Variants in ZMYND19 observed in about 807,000 individuals in gnomAD.
ZMYND19 encodes the protein zinc finger MYND domain-containing protein 19.
Under a neutral mutation model 32.0 loss-of-function variants are expected in ZMYND19, and 17 were observed. That is an observed-to-expected ratio of 0.53 (90% CI 0.36 to 0.80). ZMYND19 has a LOEUF of 0.80. ZMYND19 is among the 30% of genes least tolerant of loss of function. The pLI is 0.00. For synonymous variants in ZMYND19, 124 were observed against 113.6 expected, an observed-to-expected ratio of 1.09 and a Z score of -0.58; for missense variants, 250 against 293.6, an observed-to-expected ratio of 0.85 and a Z score of 1.09.
In ZMYND19 at chr9:137,590,180, G is replaced by T; in HGVS notation, c.51+33C>A. 1.9e-6 allele frequency: 2 copies of T among 1,048,508 alleles called. No individual in the cohort carries two copies. The highest frequency in any genetic ancestry group is 2.9e-5 in the South Asian group (1 of 34,908). 65.0% of individuals were successfully genotyped at this position (1,048,508 alleles called of 1,614,324 possible). A position where few individuals can be genotyped will look rare whatever the true frequency, so the allele number is the denominator to read the frequency against. On this transcript the variant is annotated intron_variant, in intron 1 of 5. Transcript: ENST00000298585. This position sits in a 1 kb window ranked among gnomAD's most constrained non-coding sequence, Gnocchi z 4.2. ...CCCGCGCGGAGGCCTGGACGGGCGA[G>T]ACGGGCCGGGTCGCGGGCTCCGCGC...
Position 137,582,626 on chromosome 9 carries a change from G to A in ZMYND19, c.601C>T (p.Gln201Ter). ...TTGTGGGCAGGCCAGTCCTTCTGCT[G>A]GCACTGGGAGCCGCAGTACCGGGCC... ...QVARYCGSQC[Q>*]QKDWPAHKKH... Residue 201 changes from glutamine (Q) to a stop codon, truncating the protein, a stop_gained, in exon 6 of 6, where the codon CAG (glutamine) becomes TAG (stop). Transcript: ENST00000298585. LOFTEE classifies it high-confidence loss of function. 2 of 1,613,536 alleles carry A rather than the reference G, an allele frequency of 1.2e-6. No individual in the cohort carries two copies. Among genetic ancestry groups the A allele is most frequent in the Non-Finnish European group, 1.7e-6 (2 of 1,180,028 alleles).
rs1842258826 is a variant in ZMYND19, at chr9:137,590,309, C to G, written c.-46G>C. On this transcript the variant is annotated 5_prime_UTR_variant, in exon 1 of 6. Coordinates refer to ENST00000298585, the MANE Select transcript of ZMYND19 (RefSeq NM_138462.3). The surrounding 1 kb of genome is among the most constrained non-coding windows in gnomAD (Gnocchi z 4.2). ...CCGGCAGCGCCGCTCCCTCGGGAGGCGCCGAGCGGGGGCCGGGGCGAGGCC... is the reference window on the plus strand; with the variant it reads ...CCGGCAGCGCCGCTCCCTCGGGAGGGGCCGAGCGGGGGCCGGGGCGAGGCC... The G allele has an allele frequency of 9.7e-7, 1 of 1,028,198 alleles. No homozygotes were observed. Among genetic ancestry groups the G allele is most frequent in the African/African-American group, 1.7e-5 (1 of 57,614 alleles). The allele number at this position is 1,028,198 out of a possible 1,614,324, so 63.7% of individuals were successfully genotyped here.
At position 137,589,881 on chromosome 9, in the gene ZMYND19, C is replaced by G. The variant is rs981063988; in HGVS notation, c.51+332G>C. 3 of 985,296 alleles carry G rather than the reference C, an allele frequency of 3.0e-6. No homozygotes were observed. In the African/African-American group the frequency reaches 5.2e-5, roughly 17 times the overall value. The allele number at this position is 985,296 out of a possible 1,614,324, so 61.0% of individuals were successfully genotyped here. A position where few individuals can be genotyped will look rare whatever the true frequency, so the allele number is the denominator to read the frequency against. ...GCTAGGCCCCGGATCGCCGACACCA[C>G]TGGGAGGGCTCCGGGAGAACGCGGC... On this transcript the variant is annotated intron_variant, in intron 1 of 5. Transcript: ENST00000298585.
At chr9:137,582,722 C>A in intron 5 of ZMYND19, 36 bp from the exon 6 acceptor site, 1 of 1,604,054 alleles carries the variant, frequency 6.2e-7, no homozygotes, top group South Asian at 1.1e-5. Flanking sequence ...CACCATCATG[C>A]CTGGGACGCA....
chr9:137,587,621 G>T, intron 3 of ZMYND19, 96 bp downstream of exon 3: 1 of 1,037,118 alleles, frequency 9.6e-7, no homozygotes, highest in Non-Finnish European at 1.5e-6. Flanking sequence ...GGCAAGGCAG[G>T]GCTTCAGCGG....
intron 2 of ZMYND19, 87 bp downstream of exon 2, chr9:137,588,572 G>T: frequency 6.9e-7 from 1 of 1,455,690 alleles, no homozygotes; most frequent in Non-Finnish European, 9.6e-7. Context: ...GCCTGCTCTT[G>T]CAGCACAGGG....
rs888959795 is a variant in ZMYND19 at position 137,582,274 on chromosome 9, C to A, written c.*269G>T. Reference sequence around the variant, plus strand: ...TCTACCCTTCCCATTGCCTCCCCCCCAAAAAAAACTGTACATGAGTTTACA... The same window carrying A: ...TCTACCCTTCCCATTGCCTCCCCCCAAAAAAAAACTGTACATGAGTTTACA... On this transcript the variant is annotated 3_prime_UTR_variant, in exon 6 of 6. Coordinates refer to ENST00000298585, the MANE Select transcript of ZMYND19 (RefSeq NM_138462.3). 7 of 347,498 alleles carry A rather than the reference C, an allele frequency of 2.0e-5. No individual in the cohort carries two copies. The highest frequency in any genetic ancestry group is 7.6e-4 in the Middle Eastern group (1 of 1,312). 21.5% of individuals were successfully genotyped at this position (347,498 alleles called of 1,614,324 possible).
intron 1 of ZMYND19, chr9:137,589,353 G>C: frequency 1.0e-6 from 1 of 985,386 alleles, no homozygotes; most frequent in Non-Finnish European, 1.2e-6. Context: ...TCCCAGAACG[G>C]GCCAGTCTCC....
rs749711107 is a variant in ZMYND19 at position 137,582,732 on chromosome 9, A to C, written c.541-46T>G. On this transcript the variant is annotated intron_variant, in intron 5 of 5. Coordinates refer to ENST00000298585, the MANE Select transcript of ZMYND19 (RefSeq NM_138462.3). ...GGCTTCACCATCATGCCTGGGACGC[A>C]GTGTGGGGCAAAGGCTGCGTCTTAC... The C allele has an allele frequency of 8.8e-6, 14 of 1,598,936 alleles. No homozygotes were observed. The Admixed American group carries it at 1.5e-4, about 17-fold the overall frequency.
At position 137,587,074 on chromosome 9, in the gene ZMYND19, G is replaced by A; in HGVS notation, c.252C>T (p.Phe84=). Residue 84 remains phenylalanine (F), a synonymous_variant, in exon 4 of 6, where the codon TTC becomes TTT. Coordinates refer to ENST00000298585, the MANE Select transcript of ZMYND19 (RefSeq NM_138462.3). The stretch of plus-strand genomic sequence containing the variant: ...TCACAGCGTTGAGGTGCACCACCTG[G>A]AAGCCCGGGGCCACGCCCCCCCGGT... ...ERHRGGVAPG[F]QVVHLNAVTV... is the part of the protein sequence containing the mutation. 6.2e-7 allele frequency: 1 copy of A among 1,609,050 alleles called. No homozygotes were observed.
intron 4 of ZMYND19, among the ~76,000 whole-genome samples, chr9:137,583,950 AC>A (rs1842174968): frequency 6.6e-6 from 1 of 152,310 alleles, no homozygotes; most frequent in Non-Finnish European, 1.5e-5. Flanking sequence ...AGACAGGGTG[AC>A]CCCACCACAA....
At chr9:137,587,333 C>A in intron 3 of ZMYND19, 1 of 711,346 alleles carries the variant, frequency 1.4e-6, no homozygotes, top group South Asian at 2.0e-5. Context: ...GAGGACCCGG[C>A]CCCTGGACTT....
chr9:137,589,910 G>A, intron 1 of ZMYND19: 1 of 985,180 alleles, frequency 1.0e-6, no homozygotes, highest in Non-Finnish European at 1.2e-6. Flanking sequence ...ACGCGGCTCG[G>A]GCTCGAGCCA....
chr9:137,584,690 GCCTTCC>G, intron 4 of ZMYND19, among the ~76,000 whole-genome samples: 1 of 152,288 alleles, frequency 6.6e-6, no homozygotes, highest in East Asian at 1.9e-4. Context: ...TGCCAAGCAC[GCCTTCC>G]CCTTCCCCTT....
chr9:137,588,239 T>A (rs558055600), intron 2 of ZMYND19, among the ~76,000 whole-genome samples: 1 of 152,186 alleles, frequency 6.6e-6, no homozygotes, highest in East Asian at 1.9e-4. Flanking sequence ...GAAGACCCCA[T>A]GAGAGCAGAG....
rs768800651 is a variant in ZMYND19, at chr9:137,587,747, C to G, written c.188G>C (p.Gly63Ala). The G allele has an allele frequency of 7.4e-6, 12 of 1,614,044 alleles. No homozygotes were observed. In the East Asian group the frequency reaches 1.6e-4, roughly 21 times the overall value. ...AYAFDKNRGR[G>A]SGRLLHELLW... is the part of the protein sequence containing the mutation. ...CAGCTCATGAAGGAGTCTCCCAGAG[C>G]CCCTTCCTCGGTTCTTGTCAAAGGC... Residue 63 changes from glycine to alanine, a missense_variant, in exon 3 of 6, where the codon GGC (glycine) becomes GCC (alanine). Coordinates refer to ENST00000298585, the MANE Select transcript of ZMYND19 (RefSeq NM_138462.3).
Position 137,582,384 on chromosome 9 carries a change from T to C in ZMYND19, c.*159A>G. Reference sequence around the variant, plus strand: ...GCTGGAGATGAACACTGAGGGGCGCTGTAACCACACAGACTGCCTGTGACA... The same window carrying C: ...GCTGGAGATGAACACTGAGGGGCGCCGTAACCACACAGACTGCCTGTGACA... On this transcript the variant is annotated 3_prime_UTR_variant, in exon 6 of 6. Coordinates refer to ENST00000298585, the MANE Select transcript of ZMYND19 (RefSeq NM_138462.3). 9.8e-7 allele frequency: 1 copy of C among 1,024,346 alleles called. No homozygotes were observed. Among genetic ancestry groups the C allele is most frequent in the Non-Finnish European group, 1.4e-6 (1 of 720,632 alleles). The allele number at this position is 1,024,346 out of a possible 1,614,324, so 63.5% of individuals were successfully genotyped here.
At chr9:137,589,511 G>A in intron 1 of ZMYND19, 7 of 985,508 alleles carry the variant, frequency 7.1e-6, no homozygotes, top group Non-Finnish European at 7.2e-6. Flanking sequence ...TGGTGCAGCT[G>A]CACAGGTGGC....
Position 137,582,474 on chromosome 9 carries a change from C to G in ZMYND19, c.*69G>C. On this transcript the variant is annotated 3_prime_UTR_variant, in exon 6 of 6. Coordinates refer to ENST00000298585, the MANE Select transcript of ZMYND19 (RefSeq NM_138462.3). ...CTTTTTTGGCACCTCCAGGTTCAAC[C>G]ACCAGTCTGTCTCTGCTGTGCCCAG... The G allele has an allele frequency of 8.4e-6, 13 of 1,546,538 alleles. No individual in the cohort carries two copies. Among genetic ancestry groups the G allele is most frequent in the Non-Finnish European group, 1.0e-5 (12 of 1,146,962 alleles).
Sources: allele counts gnomAD v4.1 joint callset (sites outside exome capture counted in the v4.1 genomes callset), GRCh38; gene constraint gnomAD v4.1.1; non-coding constraint Gnocchi (gnomAD v3.1); transcripts MANE v1.5; gene names NCBI Gene and HGNC (gene_info 2026-07-23, HGNC 2026-07-21).